Variants in CPE observed in about 807,000 individuals in gnomAD.
CPE encodes the protein carboxypeptidase E, also known as carbocypeptidase E.
In CPE, 17 loss-of-function variants were observed where a neutral mutation model predicts 53.5. That is an observed-to-expected ratio of 0.32 (90% confidence interval 0.22 to 0.48). CPE has a LOEUF of 0.48. Ranked by LOEUF, CPE falls within the 20% of genes least tolerant of loss-of-function variation. The probability of loss-of-function intolerance (pLI) is 0.99; values close to 1 mark genes in which losing one functional copy is unlikely to be tolerated. For synonymous variants in CPE, 226 were observed against 228.8 expected, an observed-to-expected ratio of 0.99 and a Z score of 0.11; for missense variants, 524 against 614.7, an observed-to-expected ratio of 0.85 and a Z score of 1.56.
At chr4:165,459,575 A>G (rs1450575322) in intron 1 of CPE, among the ~76,000 whole-genome samples, 2 of 148,480 alleles carry the variant, frequency 1.3e-5, no homozygotes, top group South Asian at 2.2e-4. Context: ...TGATTCCTCA[A>G]TTGCAAGATC....
intron 1 of CPE, among the ~76,000 whole-genome samples, chr4:165,398,266 A>G (rs983449807): frequency 1.3e-5 from 2 of 152,004 alleles, no homozygotes; most frequent in African/African-American, 4.8e-5. Context: ...ACCAGTGACA[A>G]TTTTCTGAGA....
intron 1 of CPE, among the ~76,000 whole-genome samples, chr4:165,429,924 C>G (rs1240249288): frequency 1.3e-5 from 2 of 152,062 alleles, no homozygotes; most frequent in East Asian, 3.9e-4. Context: ...TACCTAATCC[C>G]TAAGGAAATC....
chr4:165,485,114 C>A (rs907611096), intron 5 of CPE, among the ~76,000 whole-genome samples: 1 of 152,112 alleles, frequency 6.6e-6, no homozygotes, highest in Non-Finnish European at 1.5e-5. Flanking sequence ...GATCAGGTAG[C>A]TTTTTGCCTT....
intron 1 of CPE, among the ~76,000 whole-genome samples, chr4:165,398,323 A>G (rs1730808229): frequency 6.6e-6 from 1 of 152,144 alleles, no homozygotes; most frequent in South Asian, 2.1e-4. Flanking sequence ...TACAACTGCT[A>G]ATATATACAC....
At chr4:165,413,029 C>T (rs1192779393) in intron 1 of CPE, among the ~76,000 whole-genome samples, 1 of 152,240 alleles carries the variant, frequency 6.6e-6, no homozygotes, top group Non-Finnish European at 1.5e-5. Context: ...CTGCACACCT[C>T]TGCAGTGTCA....
chr4:165,394,107 CAAGAGA>C (rs1730727449), intron 1 of CPE, among the ~76,000 whole-genome samples: 1 of 151,968 alleles, frequency 6.6e-6, no homozygotes, highest in Non-Finnish European at 1.5e-5. Flanking sequence ...GCTGGTGGCT[CAAGAGA>C]AACTTTGGGG....
intron 1 of CPE, among the ~76,000 whole-genome samples, chr4:165,444,497 A>G (rs1448248401): frequency 8.4e-5 from 10 of 118,534 alleles, no homozygotes; most frequent in African/African-American, 2.8e-4. Context: ...CCACATCTCT[A>G]CTGAAAAAAA....
chr4:165,413,966 C>A (rs1356662619), intron 1 of CPE, among the ~76,000 whole-genome samples: 1 of 152,122 alleles, frequency 6.6e-6, no homozygotes, highest in African/African-American at 2.4e-5. Flanking sequence ...GACGAGTATT[C>A]TATTTTGATA....
At chr4:165,448,321 C>T (rs1028349477) in intron 1 of CPE, among the ~76,000 whole-genome samples, 4 of 152,092 alleles carry the variant, frequency 2.6e-5, no homozygotes, top group Non-Finnish European at 5.9e-5. Context: ...CCAAGTGTAG[C>T]GGGAATTTAA....
At chr4:165,495,150 G>A in intron 7 of CPE, among the ~76,000 whole-genome samples, 1 of 152,168 alleles carries the variant, frequency 6.6e-6, no homozygotes, top group Non-Finnish European at 1.5e-5. Flanking sequence ...GATCCTACAA[G>A]GGCTACCTTT....
At position 165,425,958 on chromosome 4, in the gene CPE, G is replaced by A. The variant is rs1448732484; in HGVS notation, c.308-38432G>A. The stretch of plus-strand genomic sequence containing the variant: ...ATGGTTATACCTGTGTAGCTTACAT[G>A]CTACCTATTGTGCCTGAATGAATTG... On this transcript the variant is annotated intron_variant, in intron 1 of 8. Coordinates refer to ENST00000402744, the MANE Select transcript of CPE (RefSeq NM_001873.4). Among the ~76,000 whole-genome samples, 4 of 152,268 alleles carry A rather than the reference G, an allele frequency of 2.6e-5. No individual in the cohort carries two copies. In the East Asian group the frequency reaches 7.7e-4, roughly 29 times the overall value.
At chr4:165,466,411 A>G (rs1487541654) in intron 2 of CPE, among the ~76,000 whole-genome samples, 1 of 152,228 alleles carries the variant, frequency 6.6e-6, no homozygotes. Context: ...GGCCTAGGAC[A>G]TTACTGTACA....
intron 1 of CPE, among the ~76,000 whole-genome samples, chr4:165,441,917 G>C (rs932587785): frequency 6.6e-6 from 1 of 152,000 alleles, no homozygotes; most frequent in African/African-American, 2.4e-5. Context: ...ATGAAAGGTA[G>C]CGTTCTTTTT....
chr4:165,492,037 G>A (rs904390354), intron 6 of CPE, among the ~76,000 whole-genome samples: 3 of 152,268 alleles, frequency 2.0e-5, no homozygotes, highest in African/African-American at 4.8e-5. Context: ...GACCTGAAGC[G>A]ACTCTGTCAC....
chr4:165,427,315 C>T (rs550927069), intron 1 of CPE, among the ~76,000 whole-genome samples: 5 of 145,398 alleles, frequency 3.4e-5, no homozygotes, highest in African/African-American at 1.3e-4. Flanking sequence ...TCTTCTCTCA[C>T]TTTAGCAATT....
At chr4:165,440,631 C>T (rs1731593022) in intron 1 of CPE, among the ~76,000 whole-genome samples, 1 of 152,074 alleles carries the variant, frequency 6.6e-6, no homozygotes, top group Non-Finnish European at 1.5e-5. Flanking sequence ...TTTCCTCGTA[C>T]CTTCCCAACT....
intron 3 of CPE, among the ~76,000 whole-genome samples, chr4:165,480,918 A>G (rs756188723): frequency 4.0e-4 from 60 of 151,066 alleles, no homozygotes; most frequent in Non-Finnish European, 7.8e-4. Context: ...TTAGTAGTGG[A>G]TATCTTTAGG....
intron 1 of CPE, among the ~76,000 whole-genome samples, chr4:165,389,156 T>C (rs534884498): frequency 3.2e-4 from 49 of 152,328 alleles, no homozygotes; most frequent in African/African-American, 9.4e-4. Flanking sequence ...TACATAGATA[T>C]ATAATGAATG....
chr4:165,488,004 T>C (rs1732537906), intron 6 of CPE, among the ~76,000 whole-genome samples: 1 of 152,082 alleles, frequency 6.6e-6, no homozygotes, highest in Non-Finnish European at 1.5e-5. Flanking sequence ...GAGTGTCTCT[T>C]TAAGTTTTGA....
Sources: gnomAD v4.1 joint callset for allele counts (sites outside exome capture counted in the v4.1 genomes callset) on GRCh38, gnomAD v4.1.1 for gene constraint, MANE v1.5 for transcripts, NCBI Gene and HGNC (gene_info 2026-07-23, HGNC 2026-07-21) for gene names.